The following VWCE variants were observed in gnomAD, a reference collection of about 807,000 sequenced individuals.
The protein encoded by VWCE is von Willebrand factor C and EGF domains, also known as von Willebrand factor C and EGF domain-containing protein.
A neutral mutation model predicts 102.9 loss-of-function variants in VWCE; 68 were observed. The ratio of observed to expected loss-of-function variants is 0.66; its 90% CI spans 0.54 to 0.81. VWCE has a LOEUF of 0.81. Among genes scored for constraint, VWCE ranks in the 30% least tolerant of loss-of-function variants. The pLI, the probability that VWCE is intolerant of heterozygous loss-of-function variation, is 0.00. For missense variants in VWCE, 1,137 were observed against 1,263.6 expected (o/e 0.90, Z 1.52); for synonymous variants, 497 against 515.4 (o/e 0.96, Z 0.48).
At chr11:61,271,457 T>G in intron 14 of VWCE, 1 of 469,998 alleles carries the variant, frequency 2.1e-6, no homozygotes, top group South Asian at 2.1e-5. Context: ...CAATACACAC[T>G]TCTTAAGGCC....
intron 13 of VWCE, among the ~76,000 whole-genome samples, chr11:61,272,129 C>T (rs1335660517): frequency 6.6e-6 from 1 of 151,968 alleles, no homozygotes; most frequent in Non-Finnish European, 1.5e-5. Context: ...CACACAGACA[C>T]ACACATACTC....
chr11:61,295,052 G>T lies in VWCE; in HGVS notation c.-15C>A, dbSNP rs932419937. On this transcript the variant is annotated 5_prime_UTR_variant, in exon 1 of 20. Coordinates refer to ENST00000335613, the MANE Select transcript of VWCE (RefSeq NM_152718.2). The surrounding 1 kb of genome is among the most constrained non-coding windows in gnomAD (Gnocchi z 4.6). The stretch of plus-strand genomic sequence containing the variant: ...CCGGCCCACATGACCGGCGGCGGCG[G>T]GTCCCCCGGGCTGGGCTCGGCTCCT... 1 of 1,356,538 alleles carries T rather than the reference G, an allele frequency of 7.4e-7. No individual in the cohort carries two copies. 84.0% of individuals were successfully genotyped at this position (1,356,538 alleles called of 1,614,324 possible).
Position 61,259,018 on chromosome 11 carries a change from G to A in VWCE, c.2525C>T (p.Pro842Leu), listed in dbSNP as rs3750982. Residue 842 changes from proline to leucine, a missense_variant, in exon 20 of 20, where the codon CCT becomes CTT. Physicochemically the swap from Pro to Leu is moderately conservative, Grantham distance 98. Around this residue, in one of 5 missense-constraint regions of VWCE, gnomAD observed 316 missense variants for 319.3 expected, o/e 0.99. Coordinates refer to ENST00000335613, the MANE Select transcript of VWCE (RefSeq NM_152718.2). Reference protein sequence around the residue: ...ATFPGEPGASPRLSPGPSTPP... With the variant: ...ATFPGEPGASLRLSPGPSTPP... ...GGTCGAAGGCCCTGGTGAGAGTCGA[G>A]GGGAGGCCCCAGGCTCCCCTGGGAA... 3 of 1,613,872 alleles carry A rather than the reference G, an allele frequency of 1.9e-6. No individual in the cohort carries two copies. In the African/African-American group the frequency reaches 4.0e-5, roughly 22 times the overall value.
At position 61,286,423 on chromosome 11, in the gene VWCE, G is replaced by A. The variant is rs146572904; in HGVS notation, c.432C>T (p.Asp144=). The A allele has an allele frequency of 3.2e-3, 5,188 of 1,611,844 alleles. 34 individuals are homozygous for A. Among genetic ancestry groups the A allele is most frequent in the Non-Finnish European group, 3.8e-3 (4,511 of 1,179,890 alleles). Residue 144 remains aspartate (D), a synonymous_variant, in exon 5 of 20, where the codon GAC becomes GAT. Transcript: ENST00000335613. ...CCTCGCAGGAGGAGGTTACACATTCGTCAATGTCTGGAAAGACAGAAAGCA... is the reference window on the plus strand; with the variant it reads ...CCTCGCAGGAGGAGGTTACACATTCATCAATGTCTGGAAAGACAGAAAGCA... ...TAVGIRCTDI[D]ECVTSSCEGH...
In VWCE at chr11:61,286,316, T is replaced by A; in HGVS notation, c.539A>T (p.Gln180Leu). The change falls in exon 5 of 20, where the codon CAA becomes CTA. Residue 180 changes from glutamine (Q) to leucine (L), a missense_variant and splice_region_variant. This residue lies in a region of VWCE where 575 missense variants were observed against 625.9 expected (regional missense o/e 0.92). Transcript: ENST00000335613. ...GCCATTCCTTCTCTGCAGCTCACCT[T>A]GGCAGCTGTGGCGGTCGGCAGACAG... ...MQLSADRHSCQDTDECLGTPC... is the reference protein window; with the variant it reads ...MQLSADRHSCLDTDECLGTPC... The A allele has an allele frequency of 1.2e-6, 2 of 1,607,320 alleles. No individual in the cohort carries two copies. Among genetic ancestry groups the A allele is most frequent in the South Asian group, 2.2e-5 (2 of 91,076 alleles).
At chr11:61,275,949 C>A (rs1403380530) in intron 11 of VWCE, among the ~76,000 whole-genome samples, 1 of 152,234 alleles carries the variant, frequency 6.6e-6, no homozygotes, top group African/African-American at 2.4e-5. Context: ...TGAGCACAGT[C>A]TAGCCTCAAA....
Position 61,259,320 on chromosome 11 carries a change from G to T in VWCE, c.2231-8C>A. ...CCAGAGGAGACAGGGAATCTAGAGA[G>T]ACGAGGGTGAAACGAGATGCACAAT... On this transcript the variant is annotated splice_region_variant and splice_polypyrimidine_tract_variant and intron_variant, in intron 19 of 19. Coordinates refer to ENST00000335613, the MANE Select transcript of VWCE (RefSeq NM_152718.2). The T allele has an allele frequency of 6.4e-7, 1 of 1,560,322 alleles. No homozygotes were observed.
intron 10 of VWCE, among the ~76,000 whole-genome samples, chr11:61,277,184 G>T (rs78297573): frequency 6.6e-6 from 1 of 150,794 alleles, no homozygotes; most frequent in African/African-American, 2.4e-5. Context: ...GAGGGAGGGA[G>T]GGAGGGAACT....
At chr11:61,263,599 GC>G (rs1854420715) in intron 19 of VWCE, among the ~76,000 whole-genome samples, 1 of 152,150 alleles carries the variant, frequency 6.6e-6, no homozygotes, top group African/African-American at 2.4e-5. Flanking sequence ...TCTCTCTGTG[GC>G]CCAGGCTGGA....
chr11:61,282,886 C>G lies in VWCE; in HGVS notation c.561G>C (p.Gly187=). The stretch of plus-strand genomic sequence containing the variant: ...TTTTACATCTCTGCTGACAGGGAGT[C>G]CCTAGGCATTCGTCAGTGTCTGGCA... ...HSCQDTDECL[G]TPCQQRCKNS... is the part of the protein sequence containing the mutation. The change falls in exon 6 of 20, where the codon GGG becomes GGC. Residue 187 remains glycine, a synonymous_variant. Coordinates refer to ENST00000335613, the MANE Select transcript of VWCE (RefSeq NM_152718.2). 1.2e-6 allele frequency: 2 copies of G among 1,614,140 alleles called. No homozygotes were observed. Among genetic ancestry groups the G allele is most frequent in the Non-Finnish European group, 1.7e-6 (2 of 1,179,996 alleles).
intron 4 of VWCE, among the ~76,000 whole-genome samples, chr11:61,289,215 T>C (rs116115253): frequency 1.6e-3 from 242 of 152,176 alleles, no homozygotes; most frequent in African/African-American, 5.6e-3. Context: ...GTTATTTCAA[T>C]TACAGCAACC....
chr11:61,268,844 G>A (rs1854586929), intron 15 of VWCE, 78 bp downstream of exon 15: 11 of 1,433,298 alleles, frequency 7.7e-6, no homozygotes, highest in Non-Finnish European at 9.8e-6. Flanking sequence ...GACATGAGAT[G>A]AAGGCTGTAT....
chr11:61,280,996 TG>T lies in VWCE; in HGVS notation c.1026del (p.Thr343ProfsTer22). 1 of 1,550,996 alleles carries T rather than the reference TG, an allele frequency of 6.4e-7. No individual in the cohort carries two copies. The highest frequency in any genetic ancestry group is 1.2e-5 in the South Asian group (1 of 80,458). Reference protein sequence around the residue: ...APVWLLSTLLATPVPTASLLG... With the variant: ...APVWLLSTLLXTPVPTASLLG... ...AGCAGGGAGGCAGTAGGCACTGGGG[TG>T]GCCAGCAGGGTGGACAGCAGCCACA... On this transcript the variant is annotated frameshift_variant, in exon 8 of 20. Transcript: ENST00000335613. LOFTEE classifies it high-confidence loss of function.
intron 4 of VWCE, among the ~76,000 whole-genome samples, chr11:61,287,691 G>A (rs977250669): frequency 6.6e-6 from 1 of 152,174 alleles, no homozygotes; most frequent in Non-Finnish European, 1.5e-5. Context: ...CTGGAAGAGC[G>A]ACTGGCTGAG....
At chr11:61,260,135 G>A (rs1256580737) in intron 19 of VWCE, among the ~76,000 whole-genome samples, 1 of 152,170 alleles carries the variant, frequency 6.6e-6, no homozygotes, top group Non-Finnish European at 1.5e-5. Context: ...CGTGCCTGTA[G>A]TCCCAGCTAC....
intron 9 of VWCE, among the ~76,000 whole-genome samples, chr11:61,280,372 G>T (rs1855080738): frequency 6.6e-6 from 1 of 152,106 alleles, no homozygotes; most frequent in African/African-American, 2.4e-5. Context: ...TAAATGAGTG[G>T]TTCTCAAAGT....
chr11:61,272,909 AAC>A (rs1179454770), intron 13 of VWCE, among the ~76,000 whole-genome samples: 1 of 151,610 alleles, frequency 6.6e-6, no homozygotes, highest in Non-Finnish European at 1.5e-5. Context: ...TACTACACAA[AAC>A]ACAGACACAC....
chr11:61,264,034 G>A (rs1367528781), intron 19 of VWCE, among the ~76,000 whole-genome samples: 1 of 151,760 alleles, frequency 6.6e-6, no homozygotes, highest in Non-Finnish European at 1.5e-5. Context: ...GACCATCCTG[G>A]CTAACACGGT....
At chr11:61,286,013 CAA>C (rs1421909037) in intron 5 of VWCE, among the ~76,000 whole-genome samples, 13 of 152,202 alleles carry the variant, frequency 8.5e-5, no homozygotes, top group Non-Finnish European at 4.4e-5. Context: ...CTTGACCTCC[CAA>C]AGTGCAAGGA....
Sources: allele counts gnomAD v4.1 joint callset (sites outside exome capture counted in the v4.1 genomes callset), GRCh38; gene constraint gnomAD v4.1.1; regional missense constraint gnomAD v4.1.1; non-coding constraint Gnocchi (gnomAD v3.1); transcripts MANE v1.5; gene names NCBI Gene and HGNC (gene_info 2026-07-23, HGNC 2026-07-21).